The following CNTN4 variants were observed in gnomAD, a reference collection of about 807,000 sequenced individuals.
The protein encoded by CNTN4 is contactin-4.
A neutral mutation model predicts 122.5 loss-of-function variants in CNTN4; 77 were observed. The observed-to-expected ratio is 0.63, with a 90% CI of 0.52 to 0.76. The LOEUF (loss-of-function observed/expected upper bound fraction) is 0.76. CNTN4 is among the 30% of genes least tolerant of loss of function. CNTN4 has a pLI of 0.00. For synonymous variants in CNTN4, 512 were observed against 447.0 expected, an observed-to-expected ratio of 1.15 and a Z score of -1.83; for missense variants, 1,256 against 1,259.1, an observed-to-expected ratio of 1.00 and a Z score of 0.04.
chr3:2,593,554 T>C lies in CNTN4; in HGVS notation c.55+21996T>C, dbSNP rs1372346539. On this transcript the variant is annotated intron_variant, in intron 4 of 24. Transcript: ENST00000418658. The stretch of plus-strand genomic sequence containing the variant: ...TTTTAAGTTCATGTAATGACAACTA[T>C]TTGTTTGATCTTGGAATCAGGACTG... 3.3e-5 allele frequency among the ~76,000 whole-genome samples: 5 copies of C among 152,204 alleles called. No homozygotes were observed. In the South Asian group the frequency reaches 1.0e-3, roughly 31 times the overall value.
chr3:2,545,068 G>C (rs781327391), intron 3 of CNTN4, among the ~76,000 whole-genome samples: 4 of 151,942 alleles, frequency 2.6e-5, no homozygotes, highest in Non-Finnish European at 5.9e-5. Flanking sequence ...GCGTTATGTT[G>C]TATCTTTGTT....
At chr3:2,886,924 G>A in intron 9 of CNTN4, 116 bp from the exon 10 acceptor site, 1 of 759,278 alleles carries the variant, frequency 1.3e-6, no homozygotes. Context: ...AGGAATGAAT[G>A]AAGTTTGCAA....
intron 2 of CNTN4, among the ~76,000 whole-genome samples, chr3:2,288,801 A>C (rs1468121148): frequency 6.6e-6 from 1 of 152,190 alleles, no homozygotes; most frequent in Non-Finnish European, 1.5e-5. Flanking sequence ...GTTGGTAGGA[A>C]AATGTTGGCT....
At chr3:2,138,373 A>G (rs906438526) in intron 2 of CNTN4, among the ~76,000 whole-genome samples, 2 of 151,712 alleles carry the variant, frequency 1.3e-5, no homozygotes, top group African/African-American at 2.4e-5. Flanking sequence ...CAGCCCCAGT[A>G]TGTCTTCTTA....
At chr3:2,369,144 C>T (rs1490770708) in intron 3 of CNTN4, among the ~76,000 whole-genome samples, 1 of 152,012 alleles carries the variant, frequency 6.6e-6, no homozygotes, top group Non-Finnish European at 1.5e-5. Flanking sequence ...AGGCTGGTCT[C>T]GAACTCCTGA....
intron 3 of CNTN4, among the ~76,000 whole-genome samples, chr3:2,352,865 T>A (rs2044694211): frequency 6.6e-6 from 1 of 152,210 alleles, no homozygotes; most frequent in Non-Finnish European, 1.5e-5. Context: ...AACTTTTATG[T>A]CTAGCTGGAG....
chr3:2,207,400 A>G (rs967285787), intron 2 of CNTN4, among the ~76,000 whole-genome samples: 23 of 152,098 alleles, frequency 1.5e-4, no homozygotes, highest in Admixed American at 1.0e-3. Flanking sequence ...TCAAACAGCT[A>G]AGTCGTGAAA....
chr3:2,402,788 T>C (rs1489560478), intron 3 of CNTN4, among the ~76,000 whole-genome samples: 1 of 152,150 alleles, frequency 6.6e-6, no homozygotes. Flanking sequence ...TTCTTTATGG[T>C]ACAATGTTTT....
intron 4 of CNTN4, among the ~76,000 whole-genome samples, chr3:2,701,272 T>C (rs990162452): frequency 1.3e-5 from 2 of 152,130 alleles, no homozygotes; most frequent in African/African-American, 2.4e-5. Flanking sequence ...CCAGTATATT[T>C]TGAGTAGAGA....
chr3:2,967,555 CA>C (rs1185896495), intron 13 of CNTN4, among the ~76,000 whole-genome samples: 1 of 152,112 alleles, frequency 6.6e-6, no homozygotes, highest in Non-Finnish European at 1.5e-5. Flanking sequence ...GAGTTCCTCC[CA>C]AACTTAGTTT....
At chr3:2,566,427 T>C (rs1368009522) in intron 3 of CNTN4, among the ~76,000 whole-genome samples, 1 of 152,174 alleles carries the variant, frequency 6.6e-6, no homozygotes, top group Non-Finnish European at 1.5e-5. Flanking sequence ...AAATGAGAAG[T>C]GAATGTAAGA....
chr3:2,188,855 C>T (rs552418410), intron 2 of CNTN4, among the ~76,000 whole-genome samples: 1 of 152,192 alleles, frequency 6.6e-6, no homozygotes, highest in African/African-American at 2.4e-5. Context: ...GGAACAGCTA[C>T]CACAGACTAA....
At chr3:2,596,138 A>G (rs2080760353) in intron 4 of CNTN4, among the ~76,000 whole-genome samples, 1 of 152,210 alleles carries the variant, frequency 6.6e-6, no homozygotes, top group South Asian at 2.1e-4. Flanking sequence ...CTCACTGAAT[A>G]TATTTTTAAG....
intron 2 of CNTN4, among the ~76,000 whole-genome samples, chr3:2,190,256 A>G (rs922824037): frequency 2.0e-5 from 3 of 152,120 alleles, no homozygotes; most frequent in African/African-American, 7.2e-5. Flanking sequence ...AGAAATGACA[A>G]AAGTCAATCT....
chr3:2,632,322 CAT>C (rs1252288891), intron 4 of CNTN4, among the ~76,000 whole-genome samples: 2 of 152,140 alleles, frequency 1.3e-5, no homozygotes, highest in African/African-American at 4.8e-5. Flanking sequence ...TGGAGACTGA[CAT>C]ATGACATTTC....
At chr3:2,520,228 C>A (rs2149135788) in intron 3 of CNTN4, among the ~76,000 whole-genome samples, 1 of 145,822 alleles carries the variant, frequency 6.9e-6, no homozygotes, top group East Asian at 2.0e-4. Flanking sequence ...ATTTACATTA[C>A]CATAGAAAAA....
intron 2 of CNTN4, among the ~76,000 whole-genome samples, chr3:2,105,782 G>A (rs1370145389): frequency 6.6e-6 from 1 of 152,154 alleles, no homozygotes; most frequent in East Asian, 1.9e-4. Context: ...CTTCCCAACA[G>A]TCGCCCAGAA....
intron 14 of CNTN4, among the ~76,000 whole-genome samples, chr3:3,014,879 G>GTTTTTTT (rs5846238): frequency 1.5e-4 from 18 of 121,546 alleles, no homozygotes; most frequent in Non-Finnish European, 1.5e-4. Context: ...CCCTCGATTG[G>GTTTTTTT]TTTTTTTTTT....
chr3:2,506,768 C>T (rs1426979521), intron 3 of CNTN4, among the ~76,000 whole-genome samples: 2 of 151,978 alleles, frequency 1.3e-5, no homozygotes, highest in Non-Finnish European at 2.9e-5. Context: ...ACATGGAGCT[C>T]ACTTTGCCTA....
Sources: allele counts gnomAD v4.1 joint callset (sites outside exome capture counted in the v4.1 genomes callset), GRCh38; gene constraint gnomAD v4.1.1; transcripts MANE v1.5; gene names NCBI Gene and HGNC (gene_info 2026-07-23, HGNC 2026-07-21).